The following FRS2 variants were observed in gnomAD, a reference collection of about 807,000 sequenced individuals.
FRS2 encodes FGFR signalling adaptor.
FRS2 carries 8 observed loss-of-function variants against 43.9 expected under a neutral mutation model. That is an observed-to-expected ratio of 0.18 (90% CI 0.11 to 0.33). The LOEUF is 0.33. Among genes scored for constraint, FRS2 ranks in the 10% least tolerant of loss-of-function variants. FRS2 has a pLI of 1.00. For synonymous variants in FRS2, 219 were observed against 220.3 expected, an observed-to-expected ratio of 0.99 and a Z score of 0.05; for missense variants, 534 against 627.6, an observed-to-expected ratio of 0.85 and a Z score of 1.59.
chr12:69,519,278 C>T (rs1875383898), intron 1 of FRS2, among the ~76,000 whole-genome samples: 1 of 152,134 alleles, frequency 6.6e-6, no homozygotes. Flanking sequence ...GGCTGCTCTT[C>T]ATAGTGAATA....
intron 1 of FRS2, among the ~76,000 whole-genome samples, chr12:69,515,119 A>T (rs545356798): frequency 6.6e-6 from 1 of 152,362 alleles, no homozygotes; most frequent in Non-Finnish European, 1.5e-5. Flanking sequence ...ACAGTTAGTG[A>T]TAGCAGTGTT....
chr12:69,540,669 T>C (rs933195810), intron 3 of FRS2, among the ~76,000 whole-genome samples: 1 of 152,156 alleles, frequency 6.6e-6, no homozygotes, highest in Non-Finnish European at 1.5e-5. Flanking sequence ...CCCTAATCCT[T>C]AAGTGTGGGC....
intron 7 of FRS2, 22 bp from the exon 8 acceptor site, chr12:69,572,096 A>T: frequency 6.2e-7 from 1 of 1,606,262 alleles, no homozygotes; most frequent in Non-Finnish European, 8.5e-7. Flanking sequence ...CCTTTTCCTT[A>T]AACCAATAAA....
intron 3 of FRS2, among the ~76,000 whole-genome samples, chr12:69,552,979 T>C (rs1879029725): frequency 6.6e-6 from 1 of 152,108 alleles, no homozygotes; most frequent in South Asian, 2.1e-4. Context: ...GTGCTGAGAA[T>C]GAGTGACCCA....
intron 1 of FRS2, among the ~76,000 whole-genome samples, chr12:69,479,755 A>G (rs1056764610): frequency 1.3e-5 from 2 of 151,850 alleles, no homozygotes; most frequent in African/African-American, 4.8e-5. Context: ...GGTGATCTGC[A>G]TTTTCATTTT....
At position 69,574,201 on chromosome 12, in the gene FRS2, T is replaced by C; in HGVS notation, c.773T>C (p.Val258Ala). 24 of 1,614,202 alleles carry C rather than the reference T, an allele frequency of 1.5e-5. No homozygotes were observed. The highest frequency in any genetic ancestry group is 2.7e-5 in the African/African-American group (2 of 75,050). ...AAATTTGTTTTAGGGCCAACCCCTGTTCAAAAGCAGTTAATGGAAAAAGAG... is the reference window on the plus strand; with the variant it reads ...AAATTTGTTTTAGGGCCAACCCCTGCTCAAAAGCAGTTAATGGAAAAAGAG... ...GVKFVLGPTP[V>A]QKQLMEKEKL... The change falls in exon 9 of 9, where the codon GTT becomes GCT. Residue 258 changes from valine to alanine, a missense_variant. Coordinates refer to ENST00000549921, the MANE Select transcript of FRS2 (RefSeq NM_001278356.2).
At chr12:69,554,873 T>C (rs1466112360) in intron 3 of FRS2, among the ~76,000 whole-genome samples, 3 of 139,518 alleles carry the variant, frequency 2.2e-5, no homozygotes, top group Admixed American at 7.3e-5. Flanking sequence ...CCCAGCTAAC[T>C]TTTTTTTTTT....
At position 69,572,179 on chromosome 12, in the gene FRS2, T is replaced by C. The variant is rs766801128; in HGVS notation, c.474T>C (p.Asp158=). 5 of 1,613,456 alleles carry C rather than the reference T, an allele frequency of 3.1e-6. No homozygotes were observed. Among genetic ancestry groups the C allele is most frequent in the Non-Finnish European group, 4.2e-6 (5 of 1,179,358 alleles). The change falls in exon 8 of 9, where the codon GAT becomes GAC. Residue 158 remains aspartate, a synonymous_variant. Transcript: ENST00000549921. ...NGYPRYPSFG[D]ASSHPSSRHP... ...ATCCCCGATATCCCTCATTTGGAGA[T>C]GCTTCATCCCATCCGTCAAGCAGAC...
chr12:69,504,777 A>G (rs529704653), intron 1 of FRS2, among the ~76,000 whole-genome samples: 15 of 152,196 alleles, frequency 9.9e-5, no homozygotes, highest in East Asian at 7.7e-4. Flanking sequence ...TAAATGGACA[A>G]CTATTTCCAG....
intron 1 of FRS2, among the ~76,000 whole-genome samples, chr12:69,526,233 GT>G (rs1452949351): frequency 1.3e-5 from 2 of 152,124 alleles, no homozygotes; most frequent in Non-Finnish European, 2.9e-5. Context: ...TACATGGCAT[GT>G]TTTTTAATCA....
At chr12:69,571,094 CT>C (rs2135810329) in intron 6 of FRS2, among the ~76,000 whole-genome samples, 181 bp from the exon 7 acceptor site, 1 of 152,190 alleles carries the variant, frequency 6.6e-6, no homozygotes, top group South Asian at 2.1e-4. Flanking sequence ...ATTCTGTGAA[CT>C]TTTGGCGGGG....
chr12:69,473,037 A>G (rs1321641661), intron 1 of FRS2, among the ~76,000 whole-genome samples: 2 of 152,268 alleles, frequency 1.3e-5, no homozygotes, highest in South Asian at 2.1e-4. Context: ...TTTGGAGTAA[A>G]TTATACAAAA....
intron 7 of FRS2, 132 bp from the exon 8 acceptor site, chr12:69,571,986 C>G (rs935869863): frequency 3.4e-6 from 2 of 591,240 alleles, no homozygotes; most frequent in African/African-American, 1.9e-5. Flanking sequence ...GGGGGTAATA[C>G]TATTTGTGCT....
In FRS2 at chr12:69,577,604, T is replaced by C. The variant is rs542022934; in HGVS notation, c.*2649T>C. ...GTTAATGTTTTCCCTCCAAATAGAATACTGTTTTATCCATACAAATCATAA... is the reference window on the plus strand; with the variant it reads ...GTTAATGTTTTCCCTCCAAATAGAACACTGTTTTATCCATACAAATCATAA... On this transcript the variant is annotated 3_prime_UTR_variant, in exon 9 of 9. Coordinates refer to ENST00000549921, the MANE Select transcript of FRS2 (RefSeq NM_001278356.2). 4.3e-4 allele frequency: 65 copies of C among 152,746 alleles called. No homozygotes were observed. Among genetic ancestry groups the C allele is most frequent in the East Asian group, 3.9e-4 (2 of 5,188 alleles). The allele number at this position is 152,746 out of a possible 1,614,324, so 9.5% of individuals were successfully genotyped here. A position where few individuals can be genotyped will look rare whatever the true frequency, so the allele number is the denominator to read the frequency against.
chr12:69,540,029 G>A (rs999359471), intron 3 of FRS2, among the ~76,000 whole-genome samples: 1 of 151,724 alleles, frequency 6.6e-6, no homozygotes, highest in Admixed American at 6.6e-5. Flanking sequence ...CGAGGCGGGT[G>A]GATCATGATG....
chr12:69,535,308 G>A (rs1054249166), intron 3 of FRS2, among the ~76,000 whole-genome samples: 1 of 152,182 alleles, frequency 6.6e-6, no homozygotes, highest in Admixed American at 6.5e-5. Context: ...TACAGGCGTT[G>A]ATGTAGATAC....
intron 1 of FRS2, among the ~76,000 whole-genome samples, chr12:69,520,203 GTTC>G (rs1232318629): frequency 6.7e-6 from 1 of 149,630 alleles, no homozygotes; most frequent in African/African-American, 2.4e-5. Context: ...ACGTTTATGT[GTTC>G]TTTTGAAAAG....
At chr12:69,541,974 T>C (rs949472527) in intron 3 of FRS2, among the ~76,000 whole-genome samples, 9 of 152,250 alleles carry the variant, frequency 5.9e-5, no homozygotes, top group Admixed American at 5.9e-4. Flanking sequence ...GAGATACTGG[T>C]TTCAAATAAG....
At chr12:69,567,099 T>C (rs1880366652) in intron 4 of FRS2, among the ~76,000 whole-genome samples, 1 of 152,218 alleles carries the variant, frequency 6.6e-6, no homozygotes, top group Admixed American at 6.5e-5. Context: ...TTCCCTTTCA[T>C]GTGCCCACAG....
Sources: allele counts gnomAD v4.1 joint callset (sites outside exome capture counted in the v4.1 genomes callset), GRCh38; gene constraint gnomAD v4.1.1; transcripts MANE v1.5; gene names NCBI Gene and HGNC (gene_info 2026-07-23, HGNC 2026-07-21).